POR: variants seen among roughly 807,000 people sequenced by gnomAD.
POR encodes the protein cytochrome p450 oxidoreductase.
Under a neutral mutation model 84.0 loss-of-function variants are expected in POR, and 56 were observed. The ratio of observed to expected loss-of-function variants is 0.67; its 90% CI spans 0.54 to 0.83. POR has a LOEUF of 0.83. Among genes scored for constraint, POR ranks in the 40% least tolerant of loss-of-function variants. The pLI is 0.00. For synonymous variants in POR, 414 were observed against 400.5 expected (o/e 1.03, Z -0.40); for missense variants, 938 against 944.3 (o/e 0.99, Z 0.09).
At position 75,983,852 on chromosome 7, in the gene POR, G is replaced by A. The variant is rs1554558566; in HGVS notation, c.1062G>A (p.Leu354=). Residue 354 remains leucine, a synonymous_variant, in exon 10 of 16, where the codon CTG becomes CTA. Coordinates refer to ENST00000461988, the MANE Select transcript of POR (RefSeq NM_000941.3). ...ACGTCGTCATGTCCCTGAACAACCTGGATGGTGAGTGCCACAGTCAGGGCG... is the reference window on the plus strand; with the variant it reads ...ACGTCGTCATGTCCCTGAACAACCTAGATGGTGAGTGCCACAGTCAGGGCG... The A allele has an allele frequency of 2.5e-6, 4 of 1,604,806 alleles. No homozygotes were observed. The highest frequency in any genetic ancestry group is 1.7e-5 in the Admixed American group (1 of 58,964).
intron 2 of POR, 65 bp from the exon 3 acceptor site, chr7:75,972,348 G>T: frequency 6.9e-7 from 1 of 1,440,020 alleles, no homozygotes; most frequent in East Asian, 2.3e-5. Context: ...GGACACCCAC[G>T]TCCCGTGACA....
chr7:75,983,408 T>A, intron 8 of POR, 112 bp from the exon 9 acceptor site: 1 of 737,694 alleles, frequency 1.4e-6, no homozygotes, highest in Non-Finnish European at 2.4e-6. Flanking sequence ...TGAGATTTCC[T>A]CATGGAGATC....
At position 75,954,190 on chromosome 7, in the gene POR, G is replaced by T. The variant is rs892077803; in HGVS notation, c.188+10G>T. On this transcript the variant is annotated intron_variant, in intron 2 of 15. Coordinates refer to ENST00000461988, the MANE Select transcript of POR (RefSeq NM_000941.3). ...CCAAAATTCAGACATTGTAAGTGCCGCCTCTCAGCCTCCTCTCTCTGTCCC... is the reference window on the plus strand; with the variant it reads ...CCAAAATTCAGACATTGTAAGTGCCTCCTCTCAGCCTCCTCTCTCTGTCCC... 4.4e-6 allele frequency: 7 copies of T among 1,595,664 alleles called. No homozygotes were observed. The highest frequency in any genetic ancestry group is 6.0e-6 in the Non-Finnish European group (7 of 1,168,400).
At chr7:75,982,840 G>A (rs1188171024) in intron 8 of POR, among the ~76,000 whole-genome samples, 11 of 152,150 alleles carry the variant, frequency 7.2e-5, no homozygotes, top group African/African-American at 2.2e-4. Context: ...GTGGCTTTCC[G>A]GAGTGCAAGT....
At chr7:75,983,327 C>T (rs1554558404) in intron 8 of POR, 193 bp from the exon 9 acceptor site, 3 of 525,846 alleles carry the variant, frequency 5.7e-6, no homozygotes, top group East Asian at 3.1e-5. Context: ...GGTGGCAGAG[C>T]GAAACTCTGT....
intron 3 of POR, among the ~76,000 whole-genome samples, chr7:75,978,577 G>A (rs2116574553): frequency 6.6e-6 from 1 of 152,340 alleles, no homozygotes; most frequent in South Asian, 2.1e-4. Context: ...AGGCTGGAGT[G>A]CAATGGCGCG....
Position 75,986,528 on chromosome 7 carries a change from CTCTCCTGGCTCCCTCCCGTAG to C in POR, c.*56_*76del, listed in dbSNP as rs782539631. ...CCCACAGACTCCGGCCTGTAATCAG[CTCTCCTGGCTCCCTCCCGTAG>C]TCTCCTGGGTGTGTTTGGCTTGGCC... is the stretch of plus-strand genomic sequence containing the variant. On this transcript the variant is annotated 3_prime_UTR_variant, in exon 16 of 16. Transcript: ENST00000461988. The C allele has an allele frequency of 5.1e-6, 8 of 1,583,684 alleles. No homozygotes were observed. In the South Asian group the frequency reaches 7.9e-5, roughly 16 times the overall value.
rs56335614 is a variant in POR at position 75,985,238 on chromosome 7, C to T, written c.1398+31C>T. On this transcript the variant is annotated intron_variant, in intron 12 of 15. Coordinates refer to ENST00000461988, the MANE Select transcript of POR (RefSeq NM_000941.3). The stretch of plus-strand genomic sequence containing the variant: ...GGCCGGCACTGCCCTGCCAGCCACA[C>T]GCTGGAGGCCCAGCCCTGCTCACAG... 9.7e-3 allele frequency: 15,171 copies of T among 1,559,448 alleles called. 98 individuals are homozygous for T. Among genetic ancestry groups the T allele is most frequent in the Non-Finnish European group, 0.011 (12,580 of 1,155,258 alleles).
intron 1 of POR, among the ~76,000 whole-genome samples, chr7:75,933,367 T>A (rs1554550375): frequency 6.9e-6 from 1 of 145,336 alleles, no homozygotes; most frequent in African/African-American, 2.6e-5. Context: ...TGTTATACAA[T>A]AGGTCTTTGT....
rs782209616 is a variant in POR at position 75,985,639 on chromosome 7, C to T, written c.1459C>T (p.Arg487Cys). Residue 487 changes from arginine to cysteine, a missense_variant, in exon 13 of 16, where the codon CGC becomes TGC. Physicochemically the swap from Arg to Cys is radical, Grantham distance 180. Coordinates refer to ENST00000461988, the MANE Select transcript of POR (RefSeq NM_000941.3). Reference sequence around the variant, plus strand: ...TGTGGAGTACGAGACCAAGGCTGGCCGCATCAACAAGGGCGTGGCCACCAA... The same window carrying T: ...TGTGGAGTACGAGACCAAGGCTGGCTGCATCAACAAGGGCGTGGCCACCAA... 1.3e-5 allele frequency: 21 copies of T among 1,593,024 alleles called. No individual in the cohort carries two copies. The highest frequency in any genetic ancestry group is 2.7e-5 in the African/African-American group (2 of 74,722).
intron 1 of POR, chr7:75,923,372 T>C: frequency 1.3e-6 from 1 of 773,688 alleles, no homozygotes; most frequent in Non-Finnish European, 2.3e-6. Context: ...ATAGTGGACT[T>C]TCTGAAGGAG....
intron 1 of POR, among the ~76,000 whole-genome samples, chr7:75,918,011 C>T (rs1328388025): frequency 6.6e-6 from 1 of 151,814 alleles, no homozygotes. Context: ...AAAAAAAATA[C>T]AAATACAAAA....
chr7:75,980,198 C>T, intron 4 of POR, 141 bp from the exon 5 acceptor site: 1 of 1,023,186 alleles, frequency 9.8e-7, no homozygotes, highest in Non-Finnish European at 1.4e-6. Flanking sequence ...CGTGTTGTTA[C>T]TTCTCTCTGA....
rs190437361 is a variant in POR, at chr7:75,982,855, C to T, written c.830+533C>T. Among the ~76,000 whole-genome samples the T allele has an allele frequency of 2.9e-3, 438 of 152,298 alleles. 5 individuals carry two copies. Among genetic ancestry groups the T allele is most frequent in the African/African-American group, 1.0e-2 (414 of 41,572 alleles). On this transcript the variant is annotated intron_variant, in intron 8 of 15. Coordinates refer to ENST00000461988, the MANE Select transcript of POR (RefSeq NM_000941.3). ...GTGGCTTTCCGGAGTGCAAGTTTCT[C>T]TCTTGTCCACGGTGTAGTCCAGGAC...
At chr7:75,965,996 C>T (rs1338448092) in intron 2 of POR, among the ~76,000 whole-genome samples, 4 of 152,136 alleles carry the variant, frequency 2.6e-5, no homozygotes, top group African/African-American at 9.7e-5. Flanking sequence ...GGGTGCTGGG[C>T]CACTGGGCCC....
At chr7:75,980,663 TC>T in intron 5 of POR, 175 bp downstream of exon 5, 1 of 1,540,172 alleles carries the variant, frequency 6.5e-7, no homozygotes, top group East Asian at 2.4e-5. Context: ...TACGAGAATG[TC>T]CCCTCCCTGT....
intron 2 of POR, among the ~76,000 whole-genome samples, chr7:75,969,484 T>G (rs1250930504): frequency 1.3e-5 from 2 of 152,208 alleles, no homozygotes; most frequent in Non-Finnish European, 2.9e-5. Context: ...TCTCATGCCC[T>G]CGGTGCCTGG....
chr7:75,926,723 G>T (rs1263858000), intron 1 of POR, among the ~76,000 whole-genome samples: 2 of 152,130 alleles, frequency 1.3e-5, no homozygotes, highest in Non-Finnish European at 2.9e-5. Flanking sequence ...GAACCCGGGG[G>T]GCAGAGGTTG....
chr7:75,978,701 T>G (rs540507030), intron 3 of POR, among the ~76,000 whole-genome samples: 70 of 151,938 alleles, frequency 4.6e-4, no homozygotes, highest in African/African-American at 1.5e-3. Flanking sequence ...TTTTGTATTT[T>G]TAGTAGAGAC....
Sources: allele counts gnomAD v4.1 joint callset (sites outside exome capture counted in the v4.1 genomes callset), GRCh38; gene constraint gnomAD v4.1.1; transcripts MANE v1.5; gene names NCBI Gene and HGNC (gene_info 2026-07-23, HGNC 2026-07-21).